The following SDK1 variants were observed in gnomAD, a reference collection of about 807,000 sequenced individuals.
SDK1 encodes sidekick cell adhesion molecule 1.
A neutral mutation model predicts 245.5 loss-of-function variants in SDK1; 157 were observed. That is an observed-to-expected ratio of 0.64 (90% CI 0.56 to 0.73). The LOEUF (loss-of-function observed/expected upper bound fraction) is 0.73. SDK1 is among the 30% of genes least tolerant of loss of function. The pLI is 0.00. For synonymous variants in SDK1, 1,647 were observed against 1,278.5 expected, an observed-to-expected ratio of 1.29 and a Z score of -6.15; for missense variants, 3,583 against 3,002.3, an observed-to-expected ratio of 1.19 and a Z score of -4.52.
chr7:4,140,426 G>A (rs1562874128), intron 28 of SDK1, among the ~76,000 whole-genome samples: 3 of 152,322 alleles, frequency 2.0e-5, no homozygotes, highest in Non-Finnish European at 2.9e-5. Context: ...CCGGCCCCAC[G>A]ATGAGGGGCT....
intron 1 of SDK1, among the ~76,000 whole-genome samples, chr7:3,478,640 T>A (rs1393311380): frequency 6.6e-6 from 1 of 152,092 alleles, no homozygotes; most frequent in Non-Finnish European, 1.5e-5. Flanking sequence ...ATTGATTTTA[T>A]TAGACTTTCC....
chr7:4,019,271 G>A (rs534693299), intron 17 of SDK1, among the ~76,000 whole-genome samples: 3 of 152,304 alleles, frequency 2.0e-5, no homozygotes, highest in African/African-American at 7.2e-5. Context: ...GAATTTAGTT[G>A]GTCAGAAATC....
chr7:3,746,228 A>T (rs1255320766), intron 4 of SDK1, among the ~76,000 whole-genome samples: 1 of 152,222 alleles, frequency 6.6e-6, no homozygotes, highest in East Asian at 1.9e-4. Flanking sequence ...TATGTCTAAA[A>T]ATTTACATAC....
intron 4 of SDK1, among the ~76,000 whole-genome samples, chr7:3,746,368 G>C (rs1243099467): frequency 1.3e-5 from 2 of 152,206 alleles, no homozygotes; most frequent in Admixed American, 6.5e-5. Context: ...GGTTGCTGAA[G>C]GGTGGGGTGA....
chr7:4,144,291 C>T (rs572466186), intron 28 of SDK1, among the ~76,000 whole-genome samples: 62 of 152,296 alleles, frequency 4.1e-4, no homozygotes, highest in Admixed American at 7.2e-4. Context: ...TCAGAACTCC[C>T]GGTCCCCATT....
In SDK1 at chr7:4,077,119, C is replaced by CG; in HGVS notation, c.3133dup (p.Val1045GlyfsTer51). The stretch of plus-strand genomic sequence containing the variant: ...CATCTCTCACCACCTACACCATCGA[C>CG]GTGGCCGCTGTGACTGCCGTGGGCA... On this transcript the variant is annotated frameshift_variant, in exon 21 of 45. Coordinates refer to ENST00000404826, the MANE Select transcript of SDK1 (RefSeq NM_152744.4). LOFTEE classifies it high-confidence loss of function. The CG allele has an allele frequency of 6.2e-7, 1 of 1,614,244 alleles. No individual in the cohort carries two copies. The highest frequency in any genetic ancestry group is 8.5e-7 in the Non-Finnish European group (1 of 1,180,042).
intron 32 of SDK1, among the ~76,000 whole-genome samples, chr7:4,171,934 C>T (rs950747697): frequency 3.3e-5 from 5 of 152,190 alleles, no homozygotes; most frequent in Non-Finnish European, 7.3e-5. Flanking sequence ...GACTCAGACG[C>T]GCCCCCACCC....
chr7:3,541,147 A>T (rs571557485), intron 1 of SDK1, among the ~76,000 whole-genome samples: 1 of 152,342 alleles, frequency 6.6e-6, no homozygotes, highest in East Asian at 1.9e-4. Flanking sequence ...AACAAAGTAT[A>T]TTCTTAAGTA....
At chr7:4,056,272 T>A (rs959658299) in intron 19 of SDK1, among the ~76,000 whole-genome samples, 3 of 152,030 alleles carry the variant, frequency 2.0e-5, no homozygotes, top group African/African-American at 7.2e-5. Flanking sequence ...ATTAAAAGAC[T>A]GAAGGTAGGG....
chr7:3,898,671 T>G (rs1358487484), intron 5 of SDK1, among the ~76,000 whole-genome samples: 1 of 152,206 alleles, frequency 6.6e-6, no homozygotes, highest in Admixed American at 6.5e-5. Context: ...TCATCCGAAT[T>G]AACAAAAAGT....
At chr7:4,260,860 C>T (rs936341508) in intron 44 of SDK1, among the ~76,000 whole-genome samples, 3 of 151,702 alleles carry the variant, frequency 2.0e-5, no homozygotes, top group Non-Finnish European at 4.4e-5. Flanking sequence ...ATGTGTTCAT[C>T]GTCACCTGAT....
Position 3,889,359 on chromosome 7 carries a change from T to G in SDK1, c.848-61564T>G, listed in dbSNP as rs148157665. Among the ~76,000 whole-genome samples, 33 of 152,290 alleles carry G rather than the reference T, an allele frequency of 2.2e-4. No individual in the cohort carries two copies. The East Asian group carries it at 6.4e-3, about 29-fold the overall frequency. On this transcript the variant is annotated intron_variant, in intron 5 of 44. Coordinates refer to ENST00000404826, the MANE Select transcript of SDK1 (RefSeq NM_152744.4). ...CCCAGAGTCAGGCCTACAGTTGGGCTCTCCCAGGACAGTGAATGAAGTGCA... is the reference window on the plus strand; with the variant it reads ...CCCAGAGTCAGGCCTACAGTTGGGCGCTCCCAGGACAGTGAATGAAGTGCA...
At chr7:3,437,513 T>C (rs1780063911) in intron 1 of SDK1, among the ~76,000 whole-genome samples, 1 of 152,240 alleles carries the variant, frequency 6.6e-6, no homozygotes, top group Non-Finnish European at 1.5e-5. Context: ...GGCTCACACT[T>C]GTAATCTCAG....
At chr7:4,008,565 C>A (rs1463918786) in intron 14 of SDK1, among the ~76,000 whole-genome samples, 1 of 152,046 alleles carries the variant, frequency 6.6e-6, no homozygotes, top group Non-Finnish European at 1.5e-5. Context: ...ATAAGGTGGG[C>A]ACGTAAAAGA....
intron 17 of SDK1, among the ~76,000 whole-genome samples, chr7:4,031,092 C>T (rs1787782067): frequency 6.6e-6 from 1 of 152,128 alleles, no homozygotes; most frequent in African/African-American, 2.4e-5. Flanking sequence ...TACACATGCA[C>T]ACACATGCAT....
intron 1 of SDK1, among the ~76,000 whole-genome samples, chr7:3,331,707 C>A (rs576512769): frequency 6.6e-6 from 1 of 152,028 alleles, no homozygotes; most frequent in Non-Finnish European, 1.5e-5. Context: ...AAACACCTTT[C>A]CTTTGGATAC....
intron 4 of SDK1, among the ~76,000 whole-genome samples, chr7:3,747,191 A>T (rs73304241): frequency 0.052 from 7,904 of 152,282 alleles, 596 homozygotes; most frequent in African/African-American, 0.17. Flanking sequence ...AAACAGTGTG[A>T]CACAGAACTA....
chr7:3,319,471 C>T (rs1311059413), intron 1 of SDK1, among the ~76,000 whole-genome samples: 1 of 152,184 alleles, frequency 6.6e-6, no homozygotes, highest in Non-Finnish European at 1.5e-5. Context: ...GTGGCCTAAC[C>T]AAGCTGGCTT....
At chr7:3,755,755 C>T (rs1451880828) in intron 4 of SDK1, among the ~76,000 whole-genome samples, 1 of 152,144 alleles carries the variant, frequency 6.6e-6, no homozygotes, top group Non-Finnish European at 1.5e-5. Context: ...ACATAAATGG[C>T]TACATGCAGT....
Sources: allele counts gnomAD v4.1 joint callset (sites outside exome capture counted in the v4.1 genomes callset), GRCh38; gene constraint gnomAD v4.1.1; transcripts MANE v1.5; gene names NCBI Gene and HGNC (gene_info 2026-07-23, HGNC 2026-07-21).